Variants in STRN observed in about 807,000 individuals in gnomAD.
STRN encodes protein phosphatase 2 regulatory subunit B'''alpha.
A neutral mutation model predicts 96.3 loss-of-function variants in STRN; 53 were observed. The ratio of observed to expected loss-of-function variants is 0.55; its 90% CI spans 0.44 to 0.69. The LOEUF is 0.69. Ranked by LOEUF, STRN falls within the 30% of genes least tolerant of loss-of-function variation. The pLI is 0.00. For synonymous variants in STRN, 428 were observed against 355.9 expected, an observed-to-expected ratio of 1.20 and a Z score of -2.28; for missense variants, 987 against 963.9, an observed-to-expected ratio of 1.02 and a Z score of -0.32.
chr2:36,930,230 G>C lies in STRN; in HGVS notation c.235-5022C>G, dbSNP rs558020000. Among the ~76,000 whole-genome samples, 6 of 151,830 alleles carry C rather than the reference G, an allele frequency of 4.0e-5. No individual in the cohort carries two copies. The East Asian group carries it at 9.8e-4, about 25-fold the overall frequency. On this transcript the variant is annotated intron_variant, in intron 1 of 17. Coordinates refer to ENST00000263918, the MANE Select transcript of STRN (RefSeq NM_003162.4). ...GTGGATCACCTGAGGTCAGGAGTTC[G>C]AGACCAGCCTGACCAGTATGATGAA...
At chr2:36,901,991 C>G (rs1210890056) in intron 5 of STRN, among the ~76,000 whole-genome samples, 1 of 152,038 alleles carries the variant, frequency 6.6e-6, no homozygotes, top group Non-Finnish European at 1.5e-5. Flanking sequence ...GAAATTTTTT[C>G]CCAATAAATA....
chr2:36,891,330 C>T (rs1432696359), intron 7 of STRN, among the ~76,000 whole-genome samples: 2 of 152,150 alleles, frequency 1.3e-5, no homozygotes, highest in African/African-American at 4.8e-5. Context: ...AGTTCAAGAC[C>T]AGCCTGACCA....
rs957500115 is a variant in STRN, at chr2:36,845,483, G to T, written c.*3973C>A. ...TTAAATATTTTAAGACTATTCTTAGGTGGAATTTTAACTAGTTCAGGTATT... is the reference window on the plus strand; with the variant it reads ...TTAAATATTTTAAGACTATTCTTAGTTGGAATTTTAACTAGTTCAGGTATT... On this transcript the variant is annotated 3_prime_UTR_variant, in exon 18 of 18. Transcript: ENST00000263918. The T allele has an allele frequency of 6.6e-6, 1 of 152,036 alleles. No homozygotes were observed. Among genetic ancestry groups the T allele is most frequent in the African/African-American group, 2.4e-5 (1 of 41,394 alleles). The allele number at this position is 152,036 out of a possible 1,614,324, so 9.4% of individuals were successfully genotyped here.
intron 11 of STRN, among the ~76,000 whole-genome samples, chr2:36,868,813 C>T (rs1668693632): frequency 6.6e-6 from 1 of 151,756 alleles, no homozygotes; most frequent in South Asian, 2.1e-4. Context: ...TCAGTGATGA[C>T]TCTTATAATA....
chr2:36,877,043 C>T (rs1428579287), intron 10 of STRN, among the ~76,000 whole-genome samples: 2 of 152,132 alleles, frequency 1.3e-5, no homozygotes, highest in Non-Finnish European at 2.9e-5. Flanking sequence ...CCACTGTGCC[C>T]AGCCCTATAA....
In STRN at chr2:36,902,640, AT is replaced by A; in HGVS notation, c.602del (p.Asn201IlefsTer6). On this transcript the variant is annotated frameshift_variant, in exon 5 of 18. Coordinates refer to ENST00000263918, the MANE Select transcript of STRN (RefSeq NM_003162.4). LOFTEE classifies it high-confidence loss of function. The part of the protein sequence containing the change: ...SDVTDREDDK[N>X]QDSVVNGTEA... ...CTGTGCCATTTACAACTGAGTCCTG[AT>A]TTTTGTCATCTTCCCTGTCCGTGAC... The A allele has an allele frequency of 6.2e-7, 1 of 1,612,098 alleles. No individual in the cohort carries two copies. The highest frequency in any genetic ancestry group is 8.5e-7 in the Non-Finnish European group (1 of 1,178,638).
intron 9 of STRN, among the ~76,000 whole-genome samples, chr2:36,879,161 C>T (rs1669001274): frequency 1.3e-5 from 2 of 152,006 alleles, no homozygotes. Context: ...ACCTCTGCCT[C>T]CTGGGTTCAA....
At chr2:36,875,827 T>A (rs554765195) in intron 10 of STRN, among the ~76,000 whole-genome samples, 1 of 152,244 alleles carries the variant, frequency 6.6e-6, no homozygotes, top group South Asian at 2.1e-4. Context: ...CAGCTAATTT[T>A]TTTGTATTTT....
At chr2:36,949,783 T>C (rs1340621832) in intron 1 of STRN, among the ~76,000 whole-genome samples, 1 of 152,164 alleles carries the variant, frequency 6.6e-6, no homozygotes, top group African/African-American at 2.4e-5. Flanking sequence ...CAAGTTATAG[T>C]AGGTCATCCA....
intron 2 of STRN, among the ~76,000 whole-genome samples, chr2:36,919,088 A>G (rs763084746): frequency 8.5e-5 from 13 of 152,220 alleles, no homozygotes; most frequent in African/African-American, 2.4e-4. Flanking sequence ...CAGCATCTCA[A>G]TTATATCTTA....
chr2:36,966,283 C>A lies in STRN; in HGVS notation c.181G>T (p.Ala61Ser), dbSNP rs1273004513. 2.5e-6 allele frequency: 4 copies of A among 1,583,104 alleles called. No individual in the cohort carries two copies. The highest frequency in any genetic ancestry group is 3.4e-6 in the Non-Finnish European group (4 of 1,167,152). Residue 61 changes from alanine to serine, a missense_variant, in exon 1 of 18, where the codon GCC (alanine) becomes TCC (serine). Transcript: ENST00000263918. ...GILHFLQHEW[A>S]RFEVERAQWE... Reference sequence around the variant, plus strand: ...TGGGCTCTCTCCACCTCGAAGCGGGCCCACTCGTGCTGCAGGAAGTGCAGG... The same window carrying A: ...TGGGCTCTCTCCACCTCGAAGCGGGACCACTCGTGCTGCAGGAAGTGCAGG...
In STRN at chr2:36,855,154, C is replaced by A. The variant is rs557357176; in HGVS notation, c.1978+58G>T. ...ATTTTTCACAGCTGACTCTAGTAGT[C>A]GTAATTTTGATTAAGTTAAAAAAAT... On this transcript the variant is annotated intron_variant, in intron 15 of 17. Coordinates refer to ENST00000263918, the MANE Select transcript of STRN (RefSeq NM_003162.4). 4.8e-5 allele frequency: 75 copies of A among 1,565,848 alleles called. 1 individual carries two copies. The South Asian group carries it at 8.3e-4, about 17-fold the overall frequency.
intron 1 of STRN, among the ~76,000 whole-genome samples, chr2:36,961,037 C>A (rs1166154612): frequency 6.7e-6 from 1 of 150,254 alleles, no homozygotes; most frequent in Non-Finnish European, 1.5e-5. Flanking sequence ...GCTGGGACCA[C>A]AGACGCATGC....
chr2:36,876,089 C>T (rs143094451), intron 10 of STRN, among the ~76,000 whole-genome samples: 137 of 152,042 alleles, frequency 9.0e-4, no homozygotes, highest in African/African-American at 3.0e-3. Context: ...AGCAATATGG[C>T]GAAAGCCTGT....
At chr2:36,953,530 G>T (rs1329172437) in intron 1 of STRN, among the ~76,000 whole-genome samples, 1 of 151,066 alleles carries the variant, frequency 6.6e-6, no homozygotes, top group Non-Finnish European at 1.5e-5. Flanking sequence ...AGCCTCCCAA[G>T]TAGCTGGGAC....
intron 11 of STRN, among the ~76,000 whole-genome samples, chr2:36,868,081 C>G (rs1668674901): frequency 1.3e-5 from 2 of 152,142 alleles, no homozygotes; most frequent in African/African-American, 4.8e-5. Flanking sequence ...TATTTTTAGC[C>G]CTGTCATAAT....
rs1318147479 is a variant in STRN at position 36,839,162 on chromosome 2, TTG to T, written c.*10292_*10293del. Among the ~76,000 whole-genome samples the T allele has an allele frequency of 6.6e-6, 1 of 152,206 alleles. No homozygotes were observed. Among genetic ancestry groups the T allele is most frequent in the Non-Finnish European group, 1.5e-5 (1 of 68,038 alleles). On this transcript the variant is annotated 3_prime_UTR_variant, in exon 18 of 18. Coordinates refer to ENST00000263918, the MANE Select transcript of STRN (RefSeq NM_003162.4). ...TTTTGCCATTATGAATCTTTATGCA[TTG>T]TTTTTTGCATTTAAATTCATTTCTG... is the stretch of plus-strand genomic sequence containing the variant.
chr2:36,872,723 G>A (rs1434927721), intron 10 of STRN, among the ~76,000 whole-genome samples: 1 of 152,090 alleles, frequency 6.6e-6, no homozygotes, highest in Non-Finnish European at 1.5e-5. Flanking sequence ...ATTACATACT[G>A]GATAAACTCT....
At chr2:36,882,653 T>TA (rs1447111150) in intron 9 of STRN, among the ~76,000 whole-genome samples, 1 of 152,108 alleles carries the variant, frequency 6.6e-6, no homozygotes, top group Non-Finnish European at 1.5e-5. Context: ...CCTATAGTCC[T>TA]AGCTACTCAG....
Sources: allele counts gnomAD v4.1 joint callset (sites outside exome capture counted in the v4.1 genomes callset), GRCh38; gene constraint gnomAD v4.1.1; transcripts MANE v1.5; gene names NCBI Gene and HGNC (gene_info 2026-07-23, HGNC 2026-07-21).